The following DPP10 variants were observed in gnomAD, a reference collection of about 807,000 sequenced individuals.
DPP10 encodes dipeptidyl peptidase like 10.
Under a neutral mutation model 120.9 loss-of-function variants are expected in DPP10, and 33 were observed. That is an observed-to-expected ratio of 0.27 (90% CI 0.21 to 0.37). The LOEUF is 0.37. Among genes scored for constraint, DPP10 ranks in the 10% least tolerant of loss-of-function variants. The pLI, the probability that DPP10 is intolerant of heterozygous loss-of-function variation, is 1.00. For synonymous variants in DPP10, 337 were observed against 326.1 expected (o/e 1.03, Z -0.36); for missense variants, 816 against 942.8 (o/e 0.87, Z 1.76).
intron 19 of DPP10, among the ~76,000 whole-genome samples, chr2:115,808,047 TCTAA>T (rs1686213187): frequency 6.6e-6 from 1 of 152,134 alleles, no homozygotes; most frequent in African/African-American, 2.4e-5. Flanking sequence ...CTGCTACTAA[TCTAA>T]CTATGAAGAA....
chr2:115,343,124 G>A (rs951581766), intron 2 of DPP10, among the ~76,000 whole-genome samples: 4 of 152,162 alleles, frequency 2.6e-5, no homozygotes, highest in African/African-American at 7.2e-5. Flanking sequence ...AAGGGTGTTT[G>A]TAATGCTGAT....
chr2:115,288,254 T>C (rs1341347719), intron 1 of DPP10, among the ~76,000 whole-genome samples: 7 of 152,126 alleles, frequency 4.6e-5, no homozygotes, highest in South Asian at 4.1e-4. Context: ...TTGTTGTGGT[T>C]TTAATTTGCA....
chr2:114,876,668 G>T (rs930333555), intron 1 of DPP10, among the ~76,000 whole-genome samples: 1 of 151,970 alleles, frequency 6.6e-6, no homozygotes, highest in African/African-American at 2.4e-5. Context: ...TCTCATCTTT[G>T]CTCAATGTCC....
intron 3 of DPP10, among the ~76,000 whole-genome samples, chr2:115,380,001 G>T (rs1344082213): frequency 1.3e-5 from 2 of 152,132 alleles, no homozygotes; most frequent in Non-Finnish European, 2.9e-5. Context: ...AATCGGTGTG[G>T]TGTGGTGCTG....
At chr2:115,278,695 C>T (rs1040326446) in intron 1 of DPP10, among the ~76,000 whole-genome samples, 1 of 151,962 alleles carries the variant, frequency 6.6e-6, no homozygotes, top group Non-Finnish European at 1.5e-5. Flanking sequence ...CAAACACTTC[C>T]CTGGGAACTA....
At chr2:114,485,119 G>A (rs553874758) in intron 1 of DPP10, among the ~76,000 whole-genome samples, 3 of 152,254 alleles carry the variant, frequency 2.0e-5, no homozygotes, top group African/African-American at 4.8e-5. Flanking sequence ...ATATTGAGAG[G>A]CACAAGCTGG....
chr2:115,057,726 C>T (rs1706042509), intron 1 of DPP10, among the ~76,000 whole-genome samples: 1 of 152,166 alleles, frequency 6.6e-6, no homozygotes, highest in Admixed American at 6.5e-5. Flanking sequence ...TTATGACTAG[C>T]AGCCTCACAG....
rs536361475 is a variant in DPP10 at position 115,587,604 on chromosome 2, C to T, written c.441+61632C>T. Among the ~76,000 whole-genome samples the T allele has an allele frequency of 1.1e-4, 17 of 152,240 alleles. No homozygotes were observed. In the South Asian group the frequency reaches 3.3e-3, roughly 30 times the overall value. On this transcript the variant is annotated intron_variant, in intron 5 of 25. Coordinates refer to ENST00000410059, the MANE Select transcript of DPP10 (RefSeq NM_020868.6). ...GTTCTTTGCAATCTCATATTTATTG[C>T]AGCATTGTTAATAATAGCCAAGATA...
chr2:114,877,871 A>G (rs1479617561), intron 1 of DPP10, among the ~76,000 whole-genome samples: 1 of 151,958 alleles, frequency 6.6e-6, no homozygotes, highest in Non-Finnish European at 1.5e-5. Flanking sequence ...TACCCACTAG[A>G]TGCTAGCAGC....
chr2:114,560,540 T>C (rs1688685173), intron 1 of DPP10, among the ~76,000 whole-genome samples: 1 of 152,146 alleles, frequency 6.6e-6, no homozygotes, highest in South Asian at 2.1e-4. Flanking sequence ...TTACATACCC[T>C]ATAGCCACAC....
chr2:115,486,673 C>A (rs1574987842), intron 3 of DPP10, among the ~76,000 whole-genome samples: 1 of 152,120 alleles, frequency 6.6e-6, no homozygotes, highest in South Asian at 2.1e-4. Flanking sequence ...TCAGTTAAAG[C>A]TGGTGGTTAT....
At chr2:115,063,804 A>G (rs756390861) in intron 1 of DPP10, among the ~76,000 whole-genome samples, 3 of 152,232 alleles carry the variant, frequency 2.0e-5, no homozygotes, top group Non-Finnish European at 4.4e-5. Flanking sequence ...ATCCCAAACT[A>G]TAAAAACCTA....
intron 1 of DPP10, among the ~76,000 whole-genome samples, chr2:115,033,268 C>T (rs1188721925): frequency 6.6e-6 from 1 of 152,140 alleles, no homozygotes; most frequent in Non-Finnish European, 1.5e-5. Context: ...GTTATAAACA[C>T]GATGAGATAA....
intron 1 of DPP10, among the ~76,000 whole-genome samples, chr2:114,870,151 A>G (rs1690568548): frequency 6.6e-6 from 1 of 152,174 alleles, no homozygotes; most frequent in Non-Finnish European, 1.5e-5. Flanking sequence ...TTTGTTCTTT[A>G]CAATAAGATA....
chr2:114,702,557 C>T (rs1260770412), intron 1 of DPP10, among the ~76,000 whole-genome samples: 2 of 152,044 alleles, frequency 1.3e-5, no homozygotes, highest in African/African-American at 4.8e-5. Flanking sequence ...TCACATGCTG[C>T]CCTGTTACCT....
chr2:114,594,166 AG>A, intron 1 of DPP10, among the ~76,000 whole-genome samples: 1 of 152,162 alleles, frequency 6.6e-6, no homozygotes, highest in Admixed American at 6.5e-5. Context: ...TAAAGCAGGC[AG>A]AAAAATGTGA....
At chr2:115,529,586 C>A (rs1221743151) in intron 5 of DPP10, among the ~76,000 whole-genome samples, 4 of 151,818 alleles carry the variant, frequency 2.6e-5, no homozygotes, top group Non-Finnish European at 4.4e-5. Flanking sequence ...GTATGCATTT[C>A]CACATTTATA....
At chr2:114,866,078 C>T (rs2106546628) in intron 1 of DPP10, among the ~76,000 whole-genome samples, 1 of 151,426 alleles carries the variant, frequency 6.6e-6, no homozygotes, top group Middle Eastern at 3.4e-3. Context: ...CGCCACTGCA[C>T]TCCAGCCCAG....
intron 2 of DPP10, among the ~76,000 whole-genome samples, chr2:115,329,017 G>A (rs1412437760): frequency 1.3e-5 from 2 of 152,088 alleles, no homozygotes; most frequent in Non-Finnish European, 2.9e-5. Context: ...GGGCACTGCA[G>A]GGAAGGTGAA....
Sources: allele counts gnomAD v4.1 joint callset (sites outside exome capture counted in the v4.1 genomes callset), GRCh38; gene constraint gnomAD v4.1.1; transcripts MANE v1.5; gene names NCBI Gene and HGNC (gene_info 2026-07-23, HGNC 2026-07-21).